The following ZMAT4 variants were observed in gnomAD, a reference collection of about 807,000 sequenced individuals.
The protein encoded by ZMAT4 is zinc finger matrin-type 4.
A neutral mutation model predicts 28.7 loss-of-function variants in ZMAT4; 17 were observed. The observed-to-expected ratio is 0.59, with a 90% CI of 0.41 to 0.89. ZMAT4 has a LOEUF of 0.89. Among genes scored for constraint, ZMAT4 ranks in the 40% least tolerant of loss-of-function variants. The probability of loss-of-function intolerance (pLI) is 0.00; values close to 1 mark genes in which losing one functional copy is unlikely to be tolerated. For missense variants in ZMAT4, 240 were observed against 283.8 expected, an observed-to-expected ratio of 0.85 and a Z score of 1.11; for synonymous variants, 117 against 109.2, an observed-to-expected ratio of 1.07 and a Z score of -0.44.
chr8:40,768,159 A>G (rs1469671192), intron 2 of ZMAT4, among the ~76,000 whole-genome samples: 4 of 152,134 alleles, frequency 2.6e-5, no homozygotes, highest in Non-Finnish European at 4.4e-5. Flanking sequence ...CTCACCCCCA[A>G]TAGAAGCCTT....
At chr8:40,768,574 G>C (rs1357592995) in intron 2 of ZMAT4, among the ~76,000 whole-genome samples, 2 of 152,102 alleles carry the variant, frequency 1.3e-5, no homozygotes, top group African/African-American at 2.4e-5. Flanking sequence ...CAGAATCTGG[G>C]TTCCAGCTCT....
intron 1 of ZMAT4, among the ~76,000 whole-genome samples, chr8:40,893,568 C>G (rs1413995683): frequency 5.9e-5 from 9 of 152,204 alleles, no homozygotes; most frequent in Non-Finnish European, 1.5e-5. Context: ...CGAAGGCCGC[C>G]GTTTCCCACT....
At chr8:40,581,554 T>C (rs557618236) in intron 5 of ZMAT4, among the ~76,000 whole-genome samples, 1 of 152,324 alleles carries the variant, frequency 6.6e-6, no homozygotes, top group Non-Finnish European at 1.5e-5. Flanking sequence ...CAGAGATGCA[T>C]TCTATTTTTC....
intron 5 of ZMAT4, among the ~76,000 whole-genome samples, chr8:40,595,269 G>C (rs915872462): frequency 6.6e-6 from 1 of 152,054 alleles, no homozygotes. Context: ...CTTTCCAACT[G>C]TTCAGACTGA....
chr8:40,851,088 A>G (rs996636599), intron 1 of ZMAT4, among the ~76,000 whole-genome samples: 13 of 152,134 alleles, frequency 8.5e-5, no homozygotes, highest in Non-Finnish European at 1.5e-4. Flanking sequence ...GCACTTTGGG[A>G]GACCGCGGTA....
chr8:40,595,793 G>T (rs1372263808), intron 5 of ZMAT4, among the ~76,000 whole-genome samples: 2 of 151,886 alleles, frequency 1.3e-5, no homozygotes, highest in East Asian at 1.9e-4. Context: ...CTATAAAACC[G>T]CAATGTAAGG....
intron 3 of ZMAT4, among the ~76,000 whole-genome samples, chr8:40,721,637 C>T (rs36140092): frequency 2.3e-4 from 35 of 149,792 alleles, no homozygotes; most frequent in African/African-American, 8.3e-4. Context: ...CTCTCCAGCA[C>T]CTGTTGTTTC....
At chr8:40,770,549 A>ATT (rs60467361) in intron 2 of ZMAT4, among the ~76,000 whole-genome samples, 71,621 of 117,566 alleles carry the variant, frequency 0.61, 22,681 homozygotes, top group Non-Finnish European at 0.7. Flanking sequence ...TTTCTCTCTC[A>ATT]TTTTTTTTTT....
intron 5 of ZMAT4, among the ~76,000 whole-genome samples, chr8:40,627,807 A>C (rs2118712983): frequency 6.6e-6 from 1 of 152,218 alleles, no homozygotes; most frequent in East Asian, 1.9e-4. Context: ...TTTCCAACTG[A>C]TATAGCCCTA....
chr8:40,639,207 C>G (rs890594590), intron 5 of ZMAT4, among the ~76,000 whole-genome samples: 1 of 152,134 alleles, frequency 6.6e-6, no homozygotes, highest in East Asian at 1.9e-4. Context: ...TTTTTTTTAG[C>G]TTTTTAAATT....
intron 6 of ZMAT4, among the ~76,000 whole-genome samples, chr8:40,555,357 G>C (rs978669811): frequency 6.6e-6 from 1 of 152,102 alleles, no homozygotes; most frequent in South Asian, 2.1e-4. Context: ...TAGATCATAT[G>C]GTAGTTCTAT....
intron 2 of ZMAT4, among the ~76,000 whole-genome samples, chr8:40,820,095 A>G (rs34718301): frequency 0.73 from 110,052 of 151,786 alleles, 40,183 homozygotes; most frequent in East Asian, 0.84. Flanking sequence ...TTCACTTAAA[A>G]TCATAGTTTA....
intron 6 of ZMAT4, among the ~76,000 whole-genome samples, chr8:40,573,933 C>T (rs1414152994): frequency 6.6e-6 from 1 of 152,138 alleles, no homozygotes; most frequent in Admixed American, 6.6e-5. Flanking sequence ...CTCTTTACAC[C>T]ACACAGTTTA....
At chr8:40,554,139 G>C (rs1803451170) in intron 6 of ZMAT4, among the ~76,000 whole-genome samples, 1 of 152,100 alleles carries the variant, frequency 6.6e-6, no homozygotes, top group South Asian at 2.1e-4. Context: ...GTTATAAGCT[G>C]ACACGTTATA....
chr8:40,883,088 C>T (rs565168710), intron 1 of ZMAT4, among the ~76,000 whole-genome samples: 1 of 152,164 alleles, frequency 6.6e-6, no homozygotes, highest in African/African-American at 2.4e-5. Context: ...AAAGCCATTC[C>T]GGGCTGTGCT....
intron 2 of ZMAT4, among the ~76,000 whole-genome samples, chr8:40,781,891 T>C (rs1047731582): frequency 3.3e-5 from 5 of 151,334 alleles, no homozygotes; most frequent in African/African-American, 9.7e-5. Flanking sequence ...ATTAAATATA[T>C]GCAAAACAGT....
At chr8:40,777,955 G>A (rs908578385) in intron 2 of ZMAT4, among the ~76,000 whole-genome samples, 2 of 152,160 alleles carry the variant, frequency 1.3e-5, no homozygotes, top group Admixed American at 1.3e-4. Context: ...GTTATTCTGA[G>A]TGAATCTTCC....
At chr8:40,812,304 G>A (rs910735127) in intron 2 of ZMAT4, among the ~76,000 whole-genome samples, 3 of 152,136 alleles carry the variant, frequency 2.0e-5, no homozygotes, top group Non-Finnish European at 4.4e-5. Context: ...AAGTCATGTC[G>A]ATAGCACGTA....
intron 6 of ZMAT4, among the ~76,000 whole-genome samples, chr8:40,551,643 T>C (rs1347949070): frequency 1.3e-5 from 2 of 152,170 alleles, no homozygotes; most frequent in Non-Finnish European, 2.9e-5. Flanking sequence ...CACTCTTACT[T>C]TAAGCATTGT....
Sources: allele counts gnomAD v4.1 joint callset (sites outside exome capture counted in the v4.1 genomes callset), GRCh38; gene constraint gnomAD v4.1.1; transcripts MANE v1.5; gene names NCBI Gene and HGNC (gene_info 2026-07-23, HGNC 2026-07-21).